The following SDHAF4 variants were observed in gnomAD, a reference collection of about 807,000 sequenced individuals.
SDHAF4 encodes the protein succinate dehydrogenase assembly factor 4, mitochondrial.
SDHAF4 carries 14 observed loss-of-function variants against 14.3 expected under a neutral mutation model. That is an observed-to-expected ratio of 0.98 (90% CI 0.65 to 1.53). The LOEUF is 1.53. SDHAF4 is among the 40% of genes most tolerant of loss of function. The pLI, the probability that SDHAF4 is intolerant of heterozygous loss-of-function variation, is 0.00. For synonymous variants in SDHAF4, 63 were observed against 47.3 expected (o/e 1.33, Z -1.36); for missense variants, 141 against 129.3 (o/e 1.09, Z -0.44).
In SDHAF4 at chr6:70,579,432, A is replaced by G; in HGVS notation, c.83A>G (p.His28Arg). The stretch of plus-strand genomic sequence containing the variant: ...CTTCTAGGATCACCCCTTCTGTGTC[A>G]TTCTCTGAGGAAAACAAGTTCTTCT... ...WRAARSPLLC[H>R]SLRKTSSSQG... The change falls in exon 2 of 3, where the codon CAT becomes CGT. Residue 28 changes from histidine to arginine, a missense_variant. Transcript: ENST00000370474. 1 of 1,604,866 alleles carries G rather than the reference A, an allele frequency of 6.2e-7. No individual in the cohort carries two copies. Among genetic ancestry groups the G allele is most frequent in the Non-Finnish European group, 8.5e-7 (1 of 1,175,298 alleles).
At chr6:70,597,162 C>T in the SDHAF4 span, among the ~76,000 whole-genome samples, 62,061 of 151,904 alleles carry the variant, frequency 0.41, 13,347 homozygotes, top group African/African-American at 0.52. Context: ...GAGAGTGAGC[C>T]TCGCTCTGTC....
the SDHAF4 span, among the ~76,000 whole-genome samples, chr6:70,597,299 A>ATTTTTTTTTTTTTT: frequency 4.2e-3 from 457 of 108,018 alleles, no homozygotes; most frequent in African/African-American, 5.7e-3. Context: ...CGCCTGGCTA[A>ATTTTTTTTTTTTTT]TTTTTTTTTT....
chr6:70,574,516 G>C (rs1006815211), intron 1 of SDHAF4, among the ~76,000 whole-genome samples: 1 of 151,962 alleles, frequency 6.6e-6, no homozygotes, highest in Admixed American at 6.6e-5. Context: ...CTAGTTCCTT[G>C]CTATTTGGAA....
intron 2 of SDHAF4, among the ~76,000 whole-genome samples, chr6:70,580,054 G>A (rs1429619706): frequency 7.0e-6 from 1 of 143,394 alleles, no homozygotes; most frequent in Non-Finnish European, 1.5e-5. Flanking sequence ...GAATAATGAG[G>A]TATGATAAAT....
intron 2 of SDHAF4, among the ~76,000 whole-genome samples, chr6:70,583,198 C>T (rs775776569): frequency 8.5e-5 from 13 of 152,176 alleles, no homozygotes; most frequent in East Asian, 1.9e-4. Flanking sequence ...CCGCAACCTC[C>T]GCCTCCCGGG....
downstream of SDHAF4, among the ~76,000 whole-genome samples, chr6:70,593,887 G>T (rs551940021): frequency 6.6e-6 from 1 of 152,090 alleles, no homozygotes; most frequent in African/African-American, 2.4e-5. Context: ...TAGAGACAGG[G>T]TTTCACCATG....
At chr6:70,590,423 C>T (rs1478668858), downstream of SDHAF4, among the ~76,000 whole-genome samples, 1 of 152,118 alleles carries the variant, frequency 6.6e-6, no homozygotes, top group Non-Finnish European at 1.5e-5. Flanking sequence ...ATTGTGGTGC[C>T]ACCAACTTTT....
Position 70,579,515 on chromosome 6 carries a change from G to A in SDHAF4, c.166G>A (p.Gly56Ser), listed in dbSNP as rs1223074134. The A allele has an allele frequency of 6.2e-7, 1 of 1,611,136 alleles. No homozygotes were observed. The highest frequency in any genetic ancestry group is 1.3e-5 in the African/African-American group (1 of 74,752). ...CCTTAAGAAGCCGAAGTTACCAGAA[G>A]GTCGTTTTGATGCACCAGAGGATTC... The part of the protein sequence containing the change: ...QSLKKPKLPE[G>S]RFDAPEDSHL... The change falls in exon 2 of 3, where the codon GGT becomes AGT. Residue 56 changes from glycine to serine, a missense_variant. Transcript: ENST00000370474.
At chr6:70,589,954 A>T (rs980414335), downstream of SDHAF4, among the ~76,000 whole-genome samples, 2 of 152,136 alleles carry the variant, frequency 1.3e-5, no homozygotes, top group African/African-American at 4.8e-5. Flanking sequence ...ATTTATTGCA[A>T]AGTAAAAAGT....
chr6:70,579,504 A>G lies in SDHAF4; in HGVS notation c.155A>G (p.Lys52Arg). The part of the protein sequence containing the change: ...ELVKQSLKKP[K>R]LPEGRFDAPE... ...GTCAAACAGTCCCTTAAGAAGCCGA[A>G]GTTACCAGAAGGTCGTTTTGATGCA... The change falls in exon 2 of 3, where the codon AAG becomes AGG. Residue 52 changes from lysine to arginine, a missense_variant. By Grantham distance (26) the Lys-to-Arg change is conservative. Coordinates refer to ENST00000370474, the MANE Select transcript of SDHAF4 (RefSeq NM_145267.3). 3 of 1,611,796 alleles carry G rather than the reference A, an allele frequency of 1.9e-6. No individual in the cohort carries two copies. The highest frequency in any genetic ancestry group is 2.5e-6 in the Non-Finnish European group (3 of 1,178,764).
At chr6:70,595,632 A>G in the SDHAF4 span, among the ~76,000 whole-genome samples, 11 of 152,236 alleles carry the variant, frequency 7.2e-5, no homozygotes, top group Non-Finnish European at 1.5e-4. Context: ...CTGTAATCCC[A>G]GCACTTTGGG....
chr6:70,582,218 C>T (rs1396144014), intron 2 of SDHAF4, among the ~76,000 whole-genome samples: 1 of 152,064 alleles, frequency 6.6e-6, no homozygotes, highest in African/African-American at 2.4e-5. Context: ...CGCACCACCA[C>T]ACCTGGCTAA....
chr6:70,590,489 T>C (rs1765248823), downstream of SDHAF4, among the ~76,000 whole-genome samples: 1 of 152,208 alleles, frequency 6.6e-6, no homozygotes, highest in African/African-American at 2.4e-5. Flanking sequence ...TGTGCTTTAG[T>C]ATGTTAATGA....
Position 70,588,760 on chromosome 6 carries a change from AT to A in SDHAF4, c.*37del, listed in dbSNP as rs1251031084. On this transcript the variant is annotated 3_prime_UTR_variant, in exon 3 of 3. Transcript: ENST00000370474. Reference sequence around the variant, plus strand: ...CTTTAACTTCAATATTGTTTTCTGAATATGTACATCTGAATTAACTTATTTC... The same window carrying A: ...CTTTAACTTCAATATTGTTTTCTGAAATGTACATCTGAATTAACTTATTTC... 8.4e-7 allele frequency: 1 copy of A among 1,186,102 alleles called. No individual in the cohort carries two copies. Among genetic ancestry groups the A allele is most frequent in the African/African-American group, 1.5e-5 (1 of 65,382 alleles). The allele number at this position is 1,186,102 out of a possible 1,614,324, so 73.5% of individuals were successfully genotyped here.
In SDHAF4 at chr6:70,574,418, C is replaced by T. The variant is rs774472436; in HGVS notation, c.65-4996C>T. ...ACGGGTGTGGGTCAGTCAGTGGCTT[C>T]AGAATCTCAGAGGGGCTTCTTTTTT... is the stretch of plus-strand genomic sequence containing the variant. On this transcript the variant is annotated intron_variant, in intron 1 of 2. Transcript: ENST00000370474. 2.2e-4 allele frequency among the ~76,000 whole-genome samples: 34 copies of T among 152,034 alleles called. 1 individual carries two copies. The highest frequency in any genetic ancestry group is 4.7e-4 in the Non-Finnish European group (32 of 68,028).
chr6:70,583,190 G>A (rs759194327), intron 2 of SDHAF4, among the ~76,000 whole-genome samples: 26 of 152,186 alleles, frequency 1.7e-4, no homozygotes, highest in Non-Finnish European at 3.2e-4. Flanking sequence ...TCAGCTCACC[G>A]CAACCTCCGC....
At chr6:70,581,015 TC>T (rs1381959528) in intron 2 of SDHAF4, among the ~76,000 whole-genome samples, 1 of 152,150 alleles carries the variant, frequency 6.6e-6, no homozygotes, top group Non-Finnish European at 1.5e-5. Context: ...CACTGCAACC[TC>T]CGCCTCCCAG....
chr6:70,567,089 C>A, intron 1 of SDHAF4, 85 bp downstream of exon 1: 2 of 1,335,320 alleles, frequency 1.5e-6, no homozygotes, highest in Non-Finnish European at 2.1e-6. Context: ...CGGAGGAAGC[C>A]GCGTGTGTCC....
intron 1 of SDHAF4, among the ~76,000 whole-genome samples, chr6:70,568,569 TATG>T (rs957754926): frequency 1.3e-5 from 2 of 152,224 alleles, no homozygotes; most frequent in African/African-American, 4.8e-5. Flanking sequence ...TGTGTGAACA[TATG>T]ATGCATTTTC....
Sources: allele counts gnomAD v4.1 joint callset (sites outside exome capture counted in the v4.1 genomes callset), GRCh38; gene constraint gnomAD v4.1.1; transcripts MANE v1.5; gene names NCBI Gene and HGNC (gene_info 2026-07-23, HGNC 2026-07-21).